The following DROSHA variants were observed in gnomAD, a reference collection of about 807,000 sequenced individuals.
The protein encoded by DROSHA is drosha ribonuclease III.
DROSHA carries 56 observed loss-of-function variants against 181.9 expected under a neutral mutation model. That is an observed-to-expected ratio of 0.31 (90% CI 0.25 to 0.38). DROSHA has a LOEUF of 0.38. Among genes scored for constraint, DROSHA ranks in the 10% least tolerant of loss-of-function variants. The pLI is 1.00. For synonymous variants in DROSHA, 524 were observed against 591.2 expected, an observed-to-expected ratio of 0.89 and a Z score of 1.65; for missense variants, 1,218 against 1,743.5, an observed-to-expected ratio of 0.70 and a Z score of 5.37.
chr5:31,454,654 C>T (rs1747419249), intron 20 of DROSHA, among the ~76,000 whole-genome samples: 1 of 151,880 alleles, frequency 6.6e-6, no homozygotes, highest in South Asian at 2.1e-4. Flanking sequence ...TAAAAACATT[C>T]CAGAGGCCCG....
intron 6 of DROSHA, among the ~76,000 whole-genome samples, chr5:31,520,684 G>T (rs1382709049): frequency 6.6e-6 from 1 of 152,114 alleles, no homozygotes; most frequent in African/African-American, 2.4e-5. Flanking sequence ...ATTAATGTAA[G>T]ACCACAAAAT....
chr5:31,466,517 T>C (rs1392725900), intron 18 of DROSHA: 1 of 421,430 alleles, frequency 2.4e-6, no homozygotes, highest in African/African-American at 2.0e-5. Context: ...CAGTTGGAAA[T>C]GAGGTGTGAC....
chr5:31,492,827 A>T (rs1752570416), intron 13 of DROSHA, among the ~76,000 whole-genome samples: 1 of 152,250 alleles, frequency 6.6e-6, no homozygotes, highest in South Asian at 2.1e-4. Context: ...GTTCTGAATA[A>T]GCTCTGTTTC....
Position 31,529,427 on chromosome 5 carries a change from C to T in DROSHA, c.-46-322G>A, listed in dbSNP as rs550459936. On this transcript the variant is annotated intron_variant, in intron 3 of 35. Coordinates refer to ENST00000344624, the MANE Select transcript of DROSHA (RefSeq NM_001382508.1). The stretch of plus-strand genomic sequence containing the variant: ...CCTCTCCCCCTTCATACTCTCGTTT[C>T]CTTCATGGTAAAAACAGGTAGGCAT... Among the ~76,000 whole-genome samples the T allele has an allele frequency of 1.3e-5, 2 of 152,184 alleles. 1 individual carries two copies. Among genetic ancestry groups the T allele is most frequent in the African/African-American group, 4.8e-5 (2 of 41,518 alleles).
intron 17 of DROSHA, among the ~76,000 whole-genome samples, chr5:31,471,640 T>A (rs375292835): frequency 6.6e-6 from 1 of 151,840 alleles, no homozygotes; most frequent in African/African-American, 2.4e-5. Context: ...AAAGAAAACA[T>A]GAATGGGCAA....
In DROSHA at chr5:31,401,525, G is replaced by A. The variant is rs200996611; in HGVS notation, c.4032C>T (p.Ile1344=). The part of the protein sequence containing the change: ...FPQMAHQKRF[I]ERKYRQELKE... ...TTAACTCTTGTCTGTACTTCCGTTC[G>A]ATGAACCGCTTCTGATGGGCCATCT... The change falls in exon 36 of 36, where the codon ATC becomes ATT. Residue 1344 remains isoleucine, a synonymous_variant. Coordinates refer to ENST00000344624, the MANE Select transcript of DROSHA (RefSeq NM_001382508.1). The A allele has an allele frequency of 1.0e-4, 164 of 1,604,014 alleles. No individual in the cohort carries two copies. The African/African-American group carries it at 1.6e-3, about 15-fold the overall frequency.
chr5:31,403,906 C>G (rs1286044732), intron 35 of DROSHA, among the ~76,000 whole-genome samples: 1 of 152,072 alleles, frequency 6.6e-6, no homozygotes, highest in East Asian at 1.9e-4. Context: ...TACTATAAAT[C>G]AAGTTGTCAT....
intron 35 of DROSHA, among the ~76,000 whole-genome samples, chr5:31,405,448 G>A (rs1452600057): frequency 6.6e-6 from 1 of 150,584 alleles, no homozygotes; most frequent in Admixed American, 6.6e-5. Flanking sequence ...AGGACTCTAA[G>A]CAAAAAAGGA....
intron 11 of DROSHA, among the ~76,000 whole-genome samples, chr5:31,503,700 T>C (rs1737572304): frequency 6.6e-6 from 1 of 152,196 alleles, no homozygotes; most frequent in Non-Finnish European, 1.5e-5. Context: ...GTCACAGGTG[T>C]TGATCCCTCG....
At chr5:31,522,035 C>A (rs1739951926) in intron 5 of DROSHA, among the ~76,000 whole-genome samples, 1 of 152,108 alleles carries the variant, frequency 6.6e-6, no homozygotes. Flanking sequence ...TGTTTGAACT[C>A]AAAAATATCC....
At chr5:31,445,942 A>G (rs955271286) in intron 23 of DROSHA, among the ~76,000 whole-genome samples, 7 of 152,176 alleles carry the variant, frequency 4.6e-5, no homozygotes, top group Non-Finnish European at 1.0e-4. Flanking sequence ...AAGTTAAGAA[A>G]ATGAAATTAA....
intron 9 of DROSHA, among the ~76,000 whole-genome samples, 175 bp from the exon 10 acceptor site, chr5:31,508,950 G>T (rs35252785): frequency 0.32 from 49,034 of 151,772 alleles, 8,256 homozygotes; most frequent in East Asian, 0.58. Context: ...AGCCTCCCGA[G>T]TAGCTGGGAT....
chr5:31,513,854 T>C (rs1200661287), intron 8 of DROSHA, among the ~76,000 whole-genome samples: 2 of 152,148 alleles, frequency 1.3e-5, no homozygotes, highest in Admixed American at 6.5e-5. Flanking sequence ...ACAACATGCC[T>C]ACTCTGTGGC....
intron 11 of DROSHA, among the ~76,000 whole-genome samples, chr5:31,495,752 C>A (rs536711764): frequency 1.4e-4 from 21 of 152,306 alleles, no homozygotes; most frequent in Middle Eastern, 3.4e-3. Flanking sequence ...GGTGTTCTTC[C>A]ATCTGGGTCG....
chr5:31,420,481 C>A (rs1456451114), intron 30 of DROSHA, among the ~76,000 whole-genome samples: 1 of 152,184 alleles, frequency 6.6e-6, no homozygotes. Flanking sequence ...TAAAAAAGCT[C>A]ACAAAAGTTT....
At chr5:31,501,566 AC>A (rs1174213382) in intron 11 of DROSHA, among the ~76,000 whole-genome samples, 3 of 152,034 alleles carry the variant, frequency 2.0e-5, no homozygotes, top group Non-Finnish European at 2.9e-5. Context: ...GGGAGATGGT[AC>A]CGGTCCTATC....
rs1740708644 is a variant in DROSHA, at chr5:31,406,764, G to C, written c.3947+89C>G. On this transcript the variant is annotated intron_variant, in intron 34 of 35. Transcript: ENST00000344624. ...ACATTTTATTCTCTGAGTTAAAAAA[G>C]ACAGATGACTGAGTTTGGAGATAGC... 3.3e-6 allele frequency: 4 copies of C among 1,202,594 alleles called. No homozygotes were observed. In the Admixed American group the frequency reaches 6.2e-5, roughly 19 times the overall value. 74.5% of individuals were successfully genotyped at this position (1,202,594 alleles called of 1,614,324 possible). A position where few individuals can be genotyped will look rare whatever the true frequency, so the allele number is the denominator to read the frequency against.
At chr5:31,476,081 T>C (rs913239525) in intron 16 of DROSHA, among the ~76,000 whole-genome samples, 6 of 152,142 alleles carry the variant, frequency 3.9e-5, no homozygotes, top group African/African-American at 1.4e-4. Flanking sequence ...AATAAGGCCA[T>C]TGGCCGGGTG....
At chr5:31,472,303 A>C (rs1276745681) in intron 16 of DROSHA, 71 bp from the exon 17 acceptor site, 2 of 1,472,652 alleles carry the variant, frequency 1.4e-6, no homozygotes, top group Non-Finnish European at 1.8e-6. Context: ...TCAACAACTG[A>C]ATAAGGAAAA....
Sources: gnomAD v4.1 joint callset for allele counts (sites outside exome capture counted in the v4.1 genomes callset) on GRCh38, gnomAD v4.1.1 for gene constraint, MANE v1.5 for transcripts, NCBI Gene and HGNC (gene_info 2026-07-23, HGNC 2026-07-21) for gene names.